The following PKD1L1 variants were observed in gnomAD, a reference collection of about 807,000 sequenced individuals.
The protein encoded by PKD1L1 is polycystin-1-like protein 1.
A neutral mutation model predicts 323.4 loss-of-function variants in PKD1L1; 236 were observed. That is an observed-to-expected ratio of 0.73 (90% CI 0.66 to 0.81). The LOEUF is 0.81. Ranked by LOEUF, PKD1L1 falls within the 40% of genes least tolerant of loss-of-function variation. The pLI, the probability that PKD1L1 is intolerant of heterozygous loss-of-function variation, is 0.00. For synonymous variants in PKD1L1, 1,344 were observed against 1,335.0 expected, an observed-to-expected ratio of 1.01 and a Z score of -0.15; for missense variants, 3,320 against 3,508.0, an observed-to-expected ratio of 0.95 and a Z score of 1.35.
At position 47,812,071 on chromosome 7, in the gene PKD1L1, G is replaced by C. The variant is rs765051748; in HGVS notation, c.7347-20C>G. 4.5e-6 allele frequency: 7 copies of C among 1,546,976 alleles called. No homozygotes were observed. Among genetic ancestry groups the C allele is most frequent in the Non-Finnish European group, 6.1e-6 (7 of 1,142,486 alleles). ...TCAGTCCTGTAAAACAGCACACACT[G>C]GGGTAGGGCAGGGCAGGGAGAAAGG... On this transcript the variant is annotated intron_variant, in intron 49 of 56. Coordinates refer to ENST00000289672, the MANE Select transcript of PKD1L1 (RefSeq NM_138295.5).
chr7:47,909,766 T>A (rs1787279268), intron 8 of PKD1L1, among the ~76,000 whole-genome samples: 1 of 152,192 alleles, frequency 6.6e-6, no homozygotes, highest in Admixed American at 6.5e-5. Context: ...ACTTGCTGCA[T>A]CCAAATTATA....
rs142949993 is a variant in PKD1L1 at position 47,789,214 on chromosome 7, C to T, written c.8526+3413G>A. Among the ~76,000 whole-genome samples, 39 of 152,302 alleles carry T rather than the reference C, an allele frequency of 2.6e-4. No individual in the cohort carries two copies. In the East Asian group the frequency reaches 7.3e-3, roughly 29 times the overall value. Reference sequence around the variant, plus strand: ...AGTTTGGTGTATTTTCTCTGTGAAACCATCTGGGACTGGTGCTTTTGGAGG... The same window carrying T: ...AGTTTGGTGTATTTTCTCTGTGAAATCATCTGGGACTGGTGCTTTTGGAGG... On this transcript the variant is annotated intron_variant, in intron 56 of 56. Transcript: ENST00000289672.
chr7:47,870,817 G>A (rs774255897), intron 24 of PKD1L1, among the ~76,000 whole-genome samples: 3 of 151,882 alleles, frequency 2.0e-5, no homozygotes, highest in African/African-American at 7.3e-5. Flanking sequence ...TGGGCAACAT[G>A]ATGAAATTAG....
rs771280105 is a variant in PKD1L1, at chr7:47,812,011, T to A, written c.7387A>T (p.Met2463Leu). 6 of 1,581,486 alleles carry A rather than the reference T, an allele frequency of 3.8e-6. No homozygotes were observed. The Admixed American group carries it at 9.1e-5, about 24-fold the overall frequency. The change falls in exon 50 of 57, where the codon ATG (methionine) becomes TTG (leucine). Residue 2463 changes from methionine (M) to leucine (L), a missense_variant. Met to Leu is a conservative substitution (Grantham distance 15). Coordinates refer to ENST00000289672, the MANE Select transcript of PKD1L1 (RefSeq NM_138295.5). ...GCCCTGGTGCTGCGGTCAATCCACA[T>A]GCTGGCCCTGAGTCGGGACAGGGCT... ...HTALSRLRAS[M>L]WIDRSTRAVS...
chr7:47,927,188 A>G (rs1039131358), intron 7 of PKD1L1, among the ~76,000 whole-genome samples: 11 of 152,186 alleles, frequency 7.2e-5, no homozygotes, highest in African/African-American at 1.9e-4. Flanking sequence ...ATACTTAATA[A>G]AAGTTAAAAA....
At chr7:47,882,179 T>G in intron 19 of PKD1L1, 94 bp from the exon 20 acceptor site, 1 of 1,286,102 alleles carries the variant, frequency 7.8e-7, no homozygotes. Flanking sequence ...AATAACTATT[T>G]GTACTATTGC....
In PKD1L1 at chr7:47,876,079, A is replaced by G. The variant is rs4724655; in HGVS notation, c.3784+18T>C. 0.3 allele frequency: 475,556 copies of G among 1,611,030 alleles called. 74,982 individuals are homozygous for G. The highest frequency in any genetic ancestry group is 0.57 in the African/African-American group (42,911 of 74,848). Reference sequence around the variant, plus strand: ...TAGGTTGGCACAGCTAGTGACTCCAACTGGCACCATAGCTTACCTTTGTAA... The same window carrying G: ...TAGGTTGGCACAGCTAGTGACTCCAGCTGGCACCATAGCTTACCTTTGTAA... On this transcript the variant is annotated intron_variant, in intron 23 of 56. Transcript: ENST00000289672.
chr7:47,904,659 G>A (rs1312592287), intron 11 of PKD1L1, 42 bp from the exon 12 acceptor site: 1 of 1,584,940 alleles, frequency 6.3e-7, no homozygotes, highest in East Asian at 2.2e-5. Context: ...CAGATGGCAA[G>A]ACAAGAACAG....
chr7:47,931,220 C>T lies in PKD1L1; in HGVS notation c.621G>A (p.Gly207=), dbSNP rs756596269. 1 of 1,614,248 alleles carries T rather than the reference C, an allele frequency of 6.2e-7. No individual in the cohort carries two copies. The highest frequency in any genetic ancestry group is 8.5e-7 in the Non-Finnish European group (1 of 1,180,048). Residue 207 remains glycine (G), a synonymous_variant, in exon 6 of 57, where the codon GGG becomes GGA. Coordinates refer to ENST00000289672, the MANE Select transcript of PKD1L1 (RefSeq NM_138295.5). ...LLCCAEDVAT[G]LLPGTVTMET... ...CCATCGTGACAGTCCCAGGAAGCAG[C>T]CCCGTGGCCACATCCTCCGCACAGC...
chr7:47,808,827 G>A (rs1249279688), intron 51 of PKD1L1, among the ~76,000 whole-genome samples: 2 of 152,224 alleles, frequency 1.3e-5, no homozygotes, highest in Non-Finnish European at 2.9e-5. Flanking sequence ...CACTGAGTGA[G>A]TGGTGAGTGA....
chr7:47,847,117 G>A, intron 31 of PKD1L1, 46 bp from the exon 32 acceptor site: 1 of 1,453,560 alleles, frequency 6.9e-7, no homozygotes, highest in East Asian at 2.5e-5. Context: ...GAGGTTTGCA[G>A]AAAGGCATTC....
chr7:47,884,795 C>A (rs1051839694), intron 18 of PKD1L1, 138 bp from the exon 19 acceptor site: 7 of 737,832 alleles, frequency 9.5e-6, no homozygotes, highest in Non-Finnish European at 1.6e-5. Context: ...TTACAAAATA[C>A]CCTCAGTGGT....
Position 47,894,711 on chromosome 7 carries a change from C to T in PKD1L1, c.2272-652G>A, listed in dbSNP as rs147216884. ...ACTAAAAATACAAAAATTAGCTGAGCGTGGTGGCATGTGCCTGTAATCCCA... is the reference window on the plus strand; with the variant it reads ...ACTAAAAATACAAAAATTAGCTGAGTGTGGTGGCATGTGCCTGTAATCCCA... On this transcript the variant is annotated intron_variant, in intron 14 of 56. Coordinates refer to ENST00000289672, the MANE Select transcript of PKD1L1 (RefSeq NM_138295.5). 3.0e-3 allele frequency among the ~76,000 whole-genome samples: 455 copies of T among 151,924 alleles called. 3 individuals are homozygous for T. Among genetic ancestry groups the T allele is most frequent in the African/African-American group, 0.01 (431 of 41,406 alleles).
chr7:47,950,552 A>G (rs1788189201), upstream of PKD1L1, among the ~76,000 whole-genome samples: 1 of 152,162 alleles, frequency 6.6e-6, no homozygotes, highest in South Asian at 2.1e-4. Flanking sequence ...TACTAAAAAT[A>G]CAAAAAAATT....
intron 13 of PKD1L1, among the ~76,000 whole-genome samples, chr7:47,899,849 T>G (rs769680029): frequency 3.3e-5 from 5 of 150,790 alleles, no homozygotes; most frequent in South Asian, 2.1e-4. Flanking sequence ...CCAGCTACTC[T>G]GGAGGCTGAG....
chr7:47,783,845 G>A (rs1489177990), intron 56 of PKD1L1, among the ~76,000 whole-genome samples: 1 of 152,168 alleles, frequency 6.6e-6, no homozygotes, highest in African/African-American at 2.4e-5. Flanking sequence ...AACTAATGCA[G>A]TATTTTACAT....
intron 21 of PKD1L1, 121 bp downstream of exon 21, chr7:47,880,607 G>C (rs1046192538): frequency 3.6e-6 from 2 of 552,308 alleles, no homozygotes; most frequent in Non-Finnish European, 5.9e-6. Flanking sequence ...TTTTTAAAAA[G>C]GCAACTGCTT....
upstream of PKD1L1, among the ~76,000 whole-genome samples, chr7:47,949,215 A>G (rs1788163729): frequency 6.6e-6 from 1 of 151,802 alleles, no homozygotes; most frequent in Non-Finnish European, 1.5e-5. Flanking sequence ...CTAAAAATAC[A>G]AAAATTAGCC....
intron 26 of PKD1L1, among the ~76,000 whole-genome samples, chr7:47,864,952 T>G (rs985196259): frequency 3.3e-5 from 5 of 152,012 alleles, no homozygotes; most frequent in Non-Finnish European, 7.4e-5. Context: ...GGTCTCGAAC[T>G]CCTGACTTCG....
Sources: gnomAD v4.1 joint callset for allele counts (sites outside exome capture counted in the v4.1 genomes callset) on GRCh38, gnomAD v4.1.1 for gene constraint, MANE v1.5 for transcripts, NCBI Gene and HGNC (gene_info 2026-07-23, HGNC 2026-07-21) for gene names.